The following SLC23A3 variants were observed in gnomAD, a reference collection of about 807,000 sequenced individuals.
SLC23A3 encodes the protein solute carrier family 23 member 3.
Under a neutral mutation model 64.7 loss-of-function variants are expected in SLC23A3, and 41 were observed. That is an observed-to-expected ratio of 0.63 (90% confidence interval 0.49 to 0.82). The LOEUF (loss-of-function observed/expected upper bound fraction) is 0.82, where lower values mean the gene tolerates loss of function less well. Ranked by LOEUF, SLC23A3 falls within the 40% of genes least tolerant of loss-of-function variation. The pLI is 0.00. For missense variants in SLC23A3, 647 were observed against 733.4 expected, an observed-to-expected ratio of 0.88 and a Z score of 1.36; for synonymous variants, 281 against 306.8, an observed-to-expected ratio of 0.92 and a Z score of 0.88.
In SLC23A3 at chr2:219,162,492, G is replaced by A. The variant is rs191947991; in HGVS notation, c.1442-98C>T. On this transcript the variant is annotated intron_variant, in intron 10 of 11. Transcript: ENST00000409878. ...GACCTAAACCTAAGCCTTGGACTAA[G>A]GACAGATCTTTCTGAATTGTCATTT... is the stretch of plus-strand genomic sequence containing the variant. The A allele has an allele frequency of 1.7e-4, 136 of 814,512 alleles. 1 individual carries two copies. In the Admixed American group the frequency reaches 3.0e-3, roughly 18 times the overall value. The allele number at this position is 814,512 out of a possible 1,614,324, so 50.5% of individuals were successfully genotyped here.
At chr2:219,167,897 A>G in intron 7 of SLC23A3, 33 bp downstream of exon 7, 1 of 1,471,328 alleles carries the variant, frequency 6.8e-7, no homozygotes, top group South Asian at 1.2e-5. Context: ...CCTTTATTTG[A>G]ACAAGAGAAT....
At chr2:219,163,734 G>A (rs181526728) in intron 9 of SLC23A3, among the ~76,000 whole-genome samples, 179 bp from the exon 10 acceptor site, 3 of 151,834 alleles carry the variant, frequency 2.0e-5, no homozygotes, top group South Asian at 2.1e-4. Context: ...TCACTGTAAC[G>A]CCCAGCCTGG....
In SLC23A3 at chr2:219,161,810, CACATATCCTCTGCCT is replaced by C. The variant is rs1281412160; in HGVS notation, c.*84_*98del. Reference sequence around the variant, plus strand: ...TAGACAGTCCCATGTAATACACACACACATATCCTCTGCCTACAAGAAAGAACAGTTTGGGAGCTG... The same window carrying C: ...TAGACAGTCCCATGTAATACACACACACAAGAAAGAACAGTTTGGGAGCTG... On this transcript the variant is annotated 3_prime_UTR_variant, in exon 12 of 12. Coordinates refer to ENST00000409878, the MANE Select transcript of SLC23A3 (RefSeq NM_001144889.2). The C allele has an allele frequency of 2.7e-5, 36 of 1,342,582 alleles. No homozygotes were observed. In the East Asian group the frequency reaches 7.9e-4, roughly 29 times the overall value. 83.2% of individuals were successfully genotyped at this position (1,342,582 alleles called of 1,614,324 possible). A position where few individuals can be genotyped will look rare whatever the true frequency, so the allele number is the denominator to read the frequency against.
chr2:219,165,641 C>G (rs1193209174), intron 7 of SLC23A3, among the ~76,000 whole-genome samples: 4 of 152,244 alleles, frequency 2.6e-5, no homozygotes, highest in African/African-American at 9.6e-5. Flanking sequence ...AGCCTTATCT[C>G]CCAGCACACT....
At position 219,168,250 on chromosome 2, in the gene SLC23A3, C is replaced by A; in HGVS notation, c.743G>T (p.Arg248Met). 1 of 1,613,970 alleles carries A rather than the reference C, an allele frequency of 6.2e-7. No individual in the cohort carries two copies. The highest frequency in any genetic ancestry group is 8.5e-7 in the Non-Finnish European group (1 of 1,179,936). ...GTGAGTTGATGACGTTGAAGCTCGC[C>A]TCCAGGGGCACACATGAAACTGGCA... ...GSCQFHVCPW[R>M]RASTSSTHTP... Residue 248 changes from arginine to methionine, a missense_variant, in exon 6 of 12, where the codon AGG becomes ATG. Arg to Met is a moderately conservative substitution (Grantham distance 91). Coordinates refer to ENST00000409878, the MANE Select transcript of SLC23A3 (RefSeq NM_001144889.2).
In SLC23A3 at chr2:219,161,796, A is replaced by G. The variant is rs144510960; in HGVS notation, c.*113T>C. 48 of 1,221,224 alleles carry G rather than the reference A, an allele frequency of 3.9e-5. No individual in the cohort carries two copies. The African/African-American group carries it at 6.9e-4, about 18-fold the overall frequency. 75.6% of individuals were successfully genotyped at this position (1,221,224 alleles called of 1,614,324 possible). A position where few individuals can be genotyped will look rare whatever the true frequency, so the allele number is the denominator to read the frequency against. On this transcript the variant is annotated 3_prime_UTR_variant, in exon 12 of 12. Coordinates refer to ENST00000409878, the MANE Select transcript of SLC23A3 (RefSeq NM_001144889.2). The stretch of plus-strand genomic sequence containing the variant: ...GGAAATGGAACCTCTAGACAGTCCC[A>G]TGTAATACACACACACATATCCTCT...
Position 219,169,222 on chromosome 2 carries a change from C to T in SLC23A3, c.418+87G>A. ...ATAGTGTCACAGTCTCACCACTGCC[C>T]AATCTCAATTCTGCACCCACCTACA... On this transcript the variant is annotated intron_variant, in intron 3 of 11. Coordinates refer to ENST00000409878, the MANE Select transcript of SLC23A3 (RefSeq NM_001144889.2). The surrounding 1 kb of genome is among the most constrained non-coding windows in gnomAD (Gnocchi z 4.5). The T allele has an allele frequency of 6.2e-7, 1 of 1,611,414 alleles. No individual in the cohort carries two copies.
At position 219,169,195 on chromosome 2, in the gene SLC23A3, CT is replaced by C. The variant is rs1950036364; in HGVS notation, c.419-94del. ...CACTCCTGGCACAGGTCCAAGCCCC[CT>C]ATAGTGTCACAGTCTCACCACTGCC... On this transcript the variant is annotated intron_variant, in intron 3 of 11. Coordinates refer to ENST00000409878, the MANE Select transcript of SLC23A3 (RefSeq NM_001144889.2). The surrounding 1 kb of genome is among the most constrained non-coding windows in gnomAD (Gnocchi z 4.5). The C allele has an allele frequency of 1.9e-6, 3 of 1,607,424 alleles. No individual in the cohort carries two copies. In the South Asian group the frequency reaches 3.3e-5, roughly 18 times the overall value.
In SLC23A3 at chr2:219,161,730, T is replaced by G; in HGVS notation, c.*179A>C. The G allele has an allele frequency of 1.8e-6, 1 of 545,354 alleles. No individual in the cohort carries two copies. The allele number at this position is 545,354 out of a possible 1,614,324, so 33.8% of individuals were successfully genotyped here. ...AATCATGGCCTCTGCTCTGGAACAGTTAGGCCTAATTAAGACAAGGAAAGG... is the reference window on the plus strand; with the variant it reads ...AATCATGGCCTCTGCTCTGGAACAGGTAGGCCTAATTAAGACAAGGAAAGG... On this transcript the variant is annotated 3_prime_UTR_variant, in exon 12 of 12. Transcript: ENST00000409878.
intron 5 of SLC23A3, 90 bp downstream of exon 5, chr2:219,168,562 G>C: frequency 6.0e-6 from 8 of 1,332,224 alleles, no homozygotes; most frequent in Non-Finnish European, 8.2e-6. Flanking sequence ...AGTCGCTGCT[G>C]AATCTGATAG....
At chr2:219,162,665 G>A (rs1242616098) in intron 10 of SLC23A3, among the ~76,000 whole-genome samples, 2 of 152,052 alleles carry the variant, frequency 1.3e-5, no homozygotes, top group African/African-American at 2.4e-5. Context: ...TCTAGAAAGC[G>A]TAATATTTAA....
chr2:219,163,566 C>A lies in SLC23A3; in HGVS notation c.1274-11G>T. 1 of 1,613,930 alleles carries A rather than the reference C, an allele frequency of 6.2e-7. No individual in the cohort carries two copies. Among genetic ancestry groups the A allele is most frequent in the East Asian group, 2.2e-5 (1 of 44,882 alleles). Reference sequence around the variant, plus strand: ...CCCCCAGCACCCCACCTGTCTCATACAGAAGAAATCAAGGGGGTCAGGAGG... The same window carrying A: ...CCCCCAGCACCCCACCTGTCTCATAAAGAAGAAATCAAGGGGGTCAGGAGG... On this transcript the variant is annotated splice_polypyrimidine_tract_variant and intron_variant, in intron 9 of 11. Coordinates refer to ENST00000409878, the MANE Select transcript of SLC23A3 (RefSeq NM_001144889.2).
chr2:219,164,226 C>T lies in SLC23A3; in HGVS notation c.1273+7G>A, dbSNP rs1242107976. 6.3e-7 allele frequency: 1 copy of T among 1,583,270 alleles called. No individual in the cohort carries two copies. The highest frequency in any genetic ancestry group is 8.6e-7 in the Non-Finnish European group (1 of 1,156,798). Reference sequence around the variant, plus strand: ...TCAATACCAGCCCTGTTGATACATCCACTCACCAACAACAGGCAGTGGGAT... The same window carrying T: ...TCAATACCAGCCCTGTTGATACATCTACTCACCAACAACAGGCAGTGGGAT... On this transcript the variant is annotated splice_region_variant and intron_variant, in intron 9 of 11. Transcript: ENST00000409878.
intron 5 of SLC23A3, 164 bp downstream of exon 5, chr2:219,168,488 T>C (rs767871976): frequency 9.0e-7 from 1 of 1,107,850 alleles, no homozygotes. Context: ...AGTGTGAAAT[T>C]CAAGGAGACC....
chr2:219,166,374 G>A (rs1374430357), intron 7 of SLC23A3, among the ~76,000 whole-genome samples: 1 of 151,770 alleles, frequency 6.6e-6, no homozygotes, highest in Non-Finnish European at 1.5e-5. Flanking sequence ...TTTTTATACT[G>A]TTAATAGAGA....
At chr2:219,166,299 G>A (rs1206146430) in intron 7 of SLC23A3, among the ~76,000 whole-genome samples, 4 of 152,008 alleles carry the variant, frequency 2.6e-5, no homozygotes, top group Admixed American at 6.6e-5. Flanking sequence ...GGGCTCAAGC[G>A]ATCCTCCCAC....
intron 7 of SLC23A3, 28 bp from the exon 8 acceptor site, chr2:219,165,450 G>T: frequency 6.5e-7 from 1 of 1,535,946 alleles, no homozygotes; most frequent in South Asian, 1.2e-5. Context: ...GCCACTTTGG[G>T]GCCAGACTCA....
In SLC23A3 at chr2:219,168,803, G is replaced by A. The variant is rs577674119; in HGVS notation, c.523C>T (p.Leu175=). The A allele has an allele frequency of 6.2e-7, 1 of 1,600,196 alleles. No individual in the cohort carries two copies. The highest frequency in any genetic ancestry group is 1.3e-5 in the African/African-American group (1 of 74,778). Residue 175 remains leucine (L), a synonymous_variant, in exon 5 of 12, where the codon CTG becomes TTG. Transcript: ENST00000409878. ...VSGAVVVSGL[L]QGMMGLLGSP... ...CCCAGCAGCCCCATCATGCCCTGCAGCAGCCCAGATACTACCACTGCCCCG... is the reference window on the plus strand; with the variant it reads ...CCCAGCAGCCCCATCATGCCCTGCAACAGCCCAGATACTACCACTGCCCCG...
At position 219,168,773 on chromosome 2, in the gene SLC23A3, G is replaced by A; in HGVS notation, c.553C>T (p.Pro185Ser). 1.9e-6 allele frequency: 3 copies of A among 1,610,234 alleles called. 1 individual carries two copies. The South Asian group carries it at 3.3e-5, about 18-fold the overall frequency. ...LQGMMGLLGS[P>S]GHVFPHCGPL... ...CCACAGTGGGGGAACACGTGGCCGG[G>A]ACTCCCCAGCAGCCCCATCATGCCC... The change falls in exon 5 of 12, where the codon CCC becomes TCC. Residue 185 changes from proline to serine, a missense_variant. Coordinates refer to ENST00000409878, the MANE Select transcript of SLC23A3 (RefSeq NM_001144889.2).
Sources: gnomAD v4.1 joint callset for allele counts (sites outside exome capture counted in the v4.1 genomes callset) on GRCh38, gnomAD v4.1.1 for gene constraint, Gnocchi (gnomAD v3.1) non-coding constraint, MANE v1.5 for transcripts, NCBI Gene and HGNC (gene_info 2026-07-23, HGNC 2026-07-21) for gene names.